Variants in ADGRB3 observed in about 807,000 individuals in gnomAD.
ADGRB3 encodes adhesion G protein-coupled receptor B3, also known as brain-specific angiogenesis inhibitor 3.
A neutral mutation model predicts 193.4 loss-of-function variants in ADGRB3; 37 were observed. The observed-to-expected ratio is 0.19, with a 90% CI of 0.15 to 0.25. ADGRB3 has a LOEUF of 0.25. Among genes scored for constraint, ADGRB3 ranks in the 10% least tolerant of loss-of-function variants. ADGRB3 has a pLI of 1.00. For synonymous variants in ADGRB3, 690 were observed against 644.2 expected (o/e 1.07, Z -1.08); for missense variants, 1,637 against 1,852.9 (o/e 0.88, Z 2.14).
intron 17 of ADGRB3, among the ~76,000 whole-genome samples, chr6:69,134,138 A>G (rs1411036979): frequency 6.6e-6 from 1 of 152,000 alleles, no homozygotes; most frequent in Non-Finnish European, 1.5e-5. Context: ...ATTGCAGCAC[A>G]AGGATTTAAA....
In ADGRB3 at chr6:68,930,539, T is replaced by C. The variant is rs569994561; in HGVS notation, c.758-20T>C. The C allele has an allele frequency of 1.6e-5, 24 of 1,546,454 alleles. No homozygotes were observed. In the East Asian group the frequency reaches 4.7e-4, roughly 31 times the overall value. On this transcript the variant is annotated intron_variant, in intron 3 of 31. Transcript: ENST00000370598. ...AAATGTCTACACACAAGCTTTCATA[T>C]ACCTTTATTCTGTCTTTAGAATTTG...
intron 17 of ADGRB3, among the ~76,000 whole-genome samples, chr6:69,199,083 G>T (rs932252476): frequency 2.0e-5 from 3 of 152,068 alleles, no homozygotes; most frequent in Non-Finnish European, 4.4e-5. Context: ...AGATGATGAT[G>T]GGCTTCGGAA....
At chr6:68,756,923 G>A (rs1198640366) in intron 3 of ADGRB3, among the ~76,000 whole-genome samples, 1 of 152,146 alleles carries the variant, frequency 6.6e-6, no homozygotes, top group Non-Finnish European at 1.5e-5. Context: ...AGAGTTGGCA[G>A]TGCTGTTACC....
At chr6:68,915,345 A>G (rs1340445538) in intron 3 of ADGRB3, among the ~76,000 whole-genome samples, 1 of 152,230 alleles carries the variant, frequency 6.6e-6, no homozygotes, top group Non-Finnish European at 1.5e-5. Context: ...AATTCCAGCC[A>G]CATGGCAGGA....
At chr6:69,107,474 T>C (rs964771204) in intron 17 of ADGRB3, among the ~76,000 whole-genome samples, 1 of 152,252 alleles carries the variant, frequency 6.6e-6, no homozygotes, top group African/African-American at 2.4e-5. Flanking sequence ...GCTTTTTATA[T>C]TCCTTCTTTG....
chr6:68,753,662 G>T (rs879437702), intron 3 of ADGRB3, among the ~76,000 whole-genome samples: 1 of 152,278 alleles, frequency 6.6e-6, no homozygotes, highest in East Asian at 1.9e-4. Flanking sequence ...AGACTGAAAG[G>T]TGTCAGAAAA....
chr6:68,692,950 G>A (rs1422403798), intron 3 of ADGRB3, among the ~76,000 whole-genome samples: 1 of 150,924 alleles, frequency 6.6e-6, no homozygotes, highest in African/African-American at 2.4e-5. Context: ...ATATGGTATT[G>A]TAACTATTAT....
At position 68,751,351 on chromosome 6, in the gene ADGRB3, CT is replaced by C. The variant is rs553218842; in HGVS notation, c.757+111923del. Among the ~76,000 whole-genome samples, 3 of 152,188 alleles carry C rather than the reference CT, an allele frequency of 2.0e-5. No individual in the cohort carries two copies. In the East Asian group the frequency reaches 5.8e-4, roughly 30 times the overall value. On this transcript the variant is annotated intron_variant, in intron 3 of 31. Coordinates refer to ENST00000370598, the MANE Select transcript of ADGRB3 (RefSeq NM_001704.3). The stretch of plus-strand genomic sequence containing the variant: ...CAAACAGAATTTATGCCCACCTACC[CT>C]TTTCCCCCAACCCACTGTCCTTAAT...
At chr6:69,074,771 T>C (rs1772180491) in intron 16 of ADGRB3, among the ~76,000 whole-genome samples, 1 of 152,042 alleles carries the variant, frequency 6.6e-6, no homozygotes, top group Non-Finnish European at 1.5e-5. Flanking sequence ...GGTCTCAATC[T>C]CCTGACCTCG....
At chr6:69,147,506 A>G (rs1774537786) in intron 17 of ADGRB3, among the ~76,000 whole-genome samples, 1 of 152,144 alleles carries the variant, frequency 6.6e-6, no homozygotes, top group African/African-American at 2.4e-5. Flanking sequence ...ATCAGAGAAG[A>G]CACTTCATAT....
chr6:68,914,738 G>T (rs1018961093), intron 3 of ADGRB3, among the ~76,000 whole-genome samples: 2 of 152,178 alleles, frequency 1.3e-5, no homozygotes, highest in Non-Finnish European at 2.9e-5. Flanking sequence ...TCAAAGGTAT[G>T]TGGTTGTTAA....
At position 69,270,461 on chromosome 6, in the gene ADGRB3, G is replaced by C. The variant is rs981852852; in HGVS notation, c.2814+31235G>C. ...GAAATTATAAATATTTTAACTATAA[G>C]ACTTACCAGTCTATAAGGCTTTAAT... On this transcript the variant is annotated intron_variant, in intron 20 of 31. Coordinates refer to ENST00000370598, the MANE Select transcript of ADGRB3 (RefSeq NM_001704.3). Among the ~76,000 whole-genome samples, 3 of 152,140 alleles carry C rather than the reference G, an allele frequency of 2.0e-5. No individual in the cohort carries two copies. In the East Asian group the frequency reaches 5.8e-4, roughly 29 times the overall value.
intron 5 of ADGRB3, among the ~76,000 whole-genome samples, chr6:68,939,210 T>G (rs557278766): frequency 3.3e-5 from 5 of 152,268 alleles, no homozygotes; most frequent in African/African-American, 9.6e-5. Flanking sequence ...TTAAAGATTT[T>G]TAAATTAAAG....
chr6:69,053,326 G>A (rs1358321873), intron 15 of ADGRB3, among the ~76,000 whole-genome samples: 1 of 152,138 alleles, frequency 6.6e-6, no homozygotes, highest in African/African-American at 2.4e-5. Flanking sequence ...TGTCCATTAG[G>A]TAACTGAGTT....
intron 11 of ADGRB3, among the ~76,000 whole-genome samples, chr6:69,009,529 TAAG>T (rs151187411): frequency 9.2e-4 from 140 of 152,172 alleles, no homozygotes; most frequent in African/African-American, 3.1e-3. Flanking sequence ...CAGGATAGCA[TAAG>T]ATAAAGTTGG....
rs746998580 is a variant in ADGRB3 at position 68,943,969 on chromosome 6, G to A, written c.1170G>A (p.Lys390=). Residue 390 remains lysine, a synonymous_variant, in exon 6 of 32, where the codon AAG becomes AAA. Transcript: ENST00000370598. ...RPCEGPETHH[K]PCNIALCPVD... is the part of the protein sequence containing the mutation. ...GTGAAGGACCTGAAACACATCATAAGCCTTGTAATATTGCTCTTTGCCCAG... is the reference window on the plus strand; with the variant it reads ...GTGAAGGACCTGAAACACATCATAAACCTTGTAATATTGCTCTTTGCCCAG... The A allele has an allele frequency of 4.3e-6, 7 of 1,612,790 alleles. No homozygotes were observed. The highest frequency in any genetic ancestry group is 5.1e-6 in the Non-Finnish European group (6 of 1,179,030).
chr6:69,381,287 C>A (rs1025768494), intron 30 of ADGRB3, among the ~76,000 whole-genome samples: 2 of 151,898 alleles, frequency 1.3e-5, no homozygotes, highest in Middle Eastern at 3.2e-3. Flanking sequence ...TATTCCCCCC[C>A]AAACTGATGG....
At chr6:69,114,786 C>A (rs1384208193) in intron 17 of ADGRB3, among the ~76,000 whole-genome samples, 1 of 152,074 alleles carries the variant, frequency 6.6e-6, no homozygotes, top group Admixed American at 6.6e-5. Context: ...CCCATTGCTT[C>A]TTTTTGTCAG....
intron 17 of ADGRB3, 152 bp from the exon 18 acceptor site, chr6:69,233,138 A>C (rs780089433): frequency 8.8e-7 from 1 of 1,135,722 alleles, no homozygotes. Context: ...GATGCATCTA[A>C]ATTACATCCT....
Sources: gnomAD v4.1 joint callset for allele counts (sites outside exome capture counted in the v4.1 genomes callset) on GRCh38, gnomAD v4.1.1 for gene constraint, MANE v1.5 for transcripts, NCBI Gene and HGNC (gene_info 2026-07-23, HGNC 2026-07-21) for gene names.